Variants in RAB11FIP4 observed in about 807,000 individuals in gnomAD.
The protein encoded by RAB11FIP4 is rab11 family-interacting protein 4.
RAB11FIP4 carries 23 observed loss-of-function variants against 74.3 expected under a neutral mutation model. The ratio of observed to expected loss-of-function variants is 0.31; its 90% CI spans 0.22 to 0.44. The LOEUF (loss-of-function observed/expected upper bound fraction) is 0.44, where lower values mean the gene tolerates loss of function less well. RAB11FIP4 is among the 20% of genes least tolerant of loss of function. The pLI is 1.00. For missense variants in RAB11FIP4, 630 were observed against 863.9 expected (o/e 0.73, Z 3.39); for synonymous variants, 360 against 359.9 (o/e 1.00, Z 0.00).
chr17:31,514,345 G>A (rs1332529226), intron 3 of RAB11FIP4, among the ~76,000 whole-genome samples: 3 of 152,342 alleles, frequency 2.0e-5, no homozygotes, highest in South Asian at 4.1e-4. Flanking sequence ...CAGAGGCCAC[G>A]TCAGACACCT....
rs188248140 is a variant in RAB11FIP4 at position 31,488,990 on chromosome 17, T to C, written c.337-28661T>C. ...CCCTACTCCTCGCCCATGCAAACTC[T>C]CCAGTGCCTTCTCTTTCCCTTTTCC... On this transcript the variant is annotated intron_variant, in intron 3 of 14. Coordinates refer to ENST00000621161, the MANE Select transcript of RAB11FIP4 (RefSeq NM_032932.6). Among the ~76,000 whole-genome samples the C allele has an allele frequency of 4.6e-5, 7 of 152,302 alleles. No individual in the cohort carries two copies. The East Asian group carries it at 1.4e-3, about 29-fold the overall frequency.
chr17:31,503,488 A>G (rs1203838654), intron 3 of RAB11FIP4, among the ~76,000 whole-genome samples: 1 of 149,824 alleles, frequency 6.7e-6, no homozygotes, highest in Non-Finnish European at 1.5e-5. Flanking sequence ...GGGGAAGAGG[A>G]AGAGGAGGGT....
intron 3 of RAB11FIP4, among the ~76,000 whole-genome samples, chr17:31,507,987 T>G (rs962860701): frequency 1.3e-5 from 2 of 152,092 alleles, no homozygotes; most frequent in African/African-American, 4.8e-5. Flanking sequence ...CCACCACACC[T>G]GGCTAACTTT....
intron 3 of RAB11FIP4, among the ~76,000 whole-genome samples, chr17:31,508,409 T>C (rs1056368933): frequency 6.6e-6 from 1 of 152,176 alleles, no homozygotes; most frequent in Non-Finnish European, 1.5e-5. Flanking sequence ...TGGTGAGAAA[T>C]GCACTCACAT....
intron 3 of RAB11FIP4, among the ~76,000 whole-genome samples, chr17:31,505,601 T>G (rs2072322961): frequency 1.8e-5 from 1 of 55,128 alleles, no homozygotes; most frequent in Admixed American, 3.0e-4. Flanking sequence ...ATATATTATA[T>G]AATAATAATT....
rs982587412 is a variant in RAB11FIP4 at position 31,534,873 on chromosome 17, G to A, written c.*3141G>A. On this transcript the variant is annotated 3_prime_UTR_variant, in exon 15 of 15. Coordinates refer to ENST00000621161, the MANE Select transcript of RAB11FIP4 (RefSeq NM_032932.6). The stretch of plus-strand genomic sequence containing the variant: ...TGGCCCTGAGCTGCCCTTGCGTTCA[G>A]TTGGAAGCCACGCAAAATGAACTGA... 1 of 154,344 alleles carries A rather than the reference G, an allele frequency of 6.5e-6. No individual in the cohort carries two copies. The highest frequency in any genetic ancestry group is 1.5e-5 in the Non-Finnish European group (1 of 68,210). The allele number at this position is 154,344 out of a possible 1,614,324, so 9.6% of individuals were successfully genotyped here.
chr17:31,525,142 G>T lies in RAB11FIP4; in HGVS notation c.1186G>T (p.Ala396Ser), dbSNP rs556009442. 1.9e-5 allele frequency: 30 copies of T among 1,550,096 alleles called. No homozygotes were observed. In the South Asian group the frequency reaches 3.2e-4, roughly 17 times the overall value. ...VKDQETTAEQ[A>S]LEEEARRHRE... Reference sequence around the variant, plus strand: ...GGATCAGGAGACCACGGCCGAGCAGGCTCTGGAGGAGGAGGCGCGGCGCCA... The same window carrying T: ...GGATCAGGAGACCACGGCCGAGCAGTCTCTGGAGGAGGAGGCGCGGCGCCA... The change falls in exon 10 of 15, where the codon GCT becomes TCT. Residue 396 changes from alanine (A) to serine (S), a missense_variant. Ala to Ser is a moderately conservative substitution (Grantham distance 99). Transcript: ENST00000621161.
chr17:31,531,646 A>G lies in RAB11FIP4; in HGVS notation c.1828A>G (p.Ile610Val). Residue 610 changes from isoleucine to valine, a missense_variant, in exon 15 of 15, where the codon ATC becomes GTC. Transcript: ENST00000621161. ...LMEALKEQEE[I>V]NFRLRQYMDK... The stretch of plus-strand genomic sequence containing the variant: ...GGAAGCCCTGAAGGAGCAGGAGGAG[A>G]TCAACTTCCGGCTGAGGCAGTACAT... 1 of 1,613,896 alleles carries G rather than the reference A, an allele frequency of 6.2e-7. No individual in the cohort carries two copies.
chr17:31,462,669 C>G (rs1243311609), intron 3 of RAB11FIP4, among the ~76,000 whole-genome samples: 2 of 152,268 alleles, frequency 1.3e-5, no homozygotes, highest in South Asian at 2.1e-4. Flanking sequence ...TGGAGTCTCA[C>G]TTTGTCACCC....
chr17:31,517,916 C>T (rs752990205), intron 4 of RAB11FIP4, 39 bp downstream of exon 4: 5 of 1,494,006 alleles, frequency 3.3e-6, no homozygotes, highest in Middle Eastern at 3.4e-4. Context: ...TTTGCCCTCT[C>T]AGCCCAGAAA....
At chr17:31,481,489 C>A (rs2071848861) in intron 3 of RAB11FIP4, among the ~76,000 whole-genome samples, 1 of 152,064 alleles carries the variant, frequency 6.6e-6, no homozygotes, top group South Asian at 2.1e-4. Context: ...CAGGGTGGGA[C>A]CTCTGTGCTG....
Position 31,531,679 on chromosome 17 carries a change from A to C in RAB11FIP4, c.1861A>C (p.Ile621Leu). The change falls in exon 15 of 15, where the codon ATT (isoleucine) becomes CTT (leucine). Residue 621 changes from isoleucine (I) to leucine (L), a missense_variant. Physicochemically the swap from Ile to Leu is conservative, Grantham distance 5. Coordinates refer to ENST00000621161, the MANE Select transcript of RAB11FIP4 (RefSeq NM_032932.6). ...CCGGCTGAGGCAGTACATGGACAAGATTATCCTCGCCATCCTGGACCACAA... is the reference window on the plus strand; with the variant it reads ...CCGGCTGAGGCAGTACATGGACAAGCTTATCCTCGCCATCCTGGACCACAA... The part of the protein sequence containing the change: ...NFRLRQYMDK[I>L]ILAILDHNPS... 1 of 1,614,096 alleles carries C rather than the reference A, an allele frequency of 6.2e-7. No homozygotes were observed.
chr17:31,419,675 C>T (rs577306995), intron 1 of RAB11FIP4, among the ~76,000 whole-genome samples: 20 of 151,710 alleles, frequency 1.3e-4, no homozygotes, highest in South Asian at 2.1e-4. Flanking sequence ...CTCAGCCTCC[C>T]GAGTAGCTGG....
chr17:31,453,813 A>AG (rs2071550422), intron 3 of RAB11FIP4, among the ~76,000 whole-genome samples: 1 of 148,784 alleles, frequency 6.7e-6, no homozygotes, highest in Non-Finnish European at 1.5e-5. Flanking sequence ...AAAAAAAAAA[A>AG]GAAAGAAAAG....
At chr17:31,511,319 T>G (rs566741292) in intron 3 of RAB11FIP4, among the ~76,000 whole-genome samples, 1 of 152,296 alleles carries the variant, frequency 6.6e-6, no homozygotes, top group East Asian at 1.9e-4. Context: ...TTGTCCTAGT[T>G]CCCTGTGGCA....
intron 3 of RAB11FIP4, among the ~76,000 whole-genome samples, chr17:31,502,127 G>A (rs2072233171): frequency 6.6e-6 from 1 of 151,866 alleles, no homozygotes; most frequent in Non-Finnish European, 1.5e-5. Flanking sequence ...GGGAGGCTGA[G>A]GCAGGAGAAT....
chr17:31,486,359 C>T (rs980342418), intron 3 of RAB11FIP4, among the ~76,000 whole-genome samples: 2 of 152,064 alleles, frequency 1.3e-5, no homozygotes, highest in Non-Finnish European at 2.9e-5. Context: ...TCTTCAGCCT[C>T]CCAAGTAGCT....
At chr17:31,488,168 C>A in intron 3 of RAB11FIP4, 5 of 1,071,676 alleles carry the variant, frequency 4.7e-6, no homozygotes, top group Non-Finnish European at 4.5e-6. Flanking sequence ...CGCTTCGGGG[C>A]TGCCCGCCGC....
chr17:31,428,341 T>C (rs766148826), intron 1 of RAB11FIP4, among the ~76,000 whole-genome samples: 1 of 152,146 alleles, frequency 6.6e-6, no homozygotes, highest in African/African-American at 2.4e-5. Context: ...CTTCGGTGCC[T>C]GTGATGGGTG....
Sources: gnomAD v4.1 joint callset for allele counts (sites outside exome capture counted in the v4.1 genomes callset) on GRCh38, gnomAD v4.1.1 for gene constraint, MANE v1.5 for transcripts, NCBI Gene and HGNC (gene_info 2026-07-23, HGNC 2026-07-21) for gene names.